The following SH3PXD2A variants were observed in gnomAD, a reference collection of about 807,000 sequenced individuals.
The protein encoded by SH3PXD2A is SH3 and PX domains 2A.
SH3PXD2A carries 32 observed loss-of-function variants against 115.2 expected under a neutral mutation model. That is an observed-to-expected ratio of 0.28 (90% CI 0.21 to 0.37). The LOEUF is 0.37. Ranked by LOEUF, SH3PXD2A falls within the 10% of genes least tolerant of loss-of-function variation. SH3PXD2A has a pLI of 1.00. For synonymous variants in SH3PXD2A, 610 were observed against 629.1 expected (o/e 0.97, Z 0.45); for missense variants, 1,328 against 1,498.7 (o/e 0.89, Z 1.88).
intron 1 of SH3PXD2A, among the ~76,000 whole-genome samples, chr10:103,830,580 C>T (rs1210819546): frequency 6.6e-6 from 1 of 152,166 alleles, no homozygotes; most frequent in Admixed American, 6.5e-5. Context: ...TGGAGGCAAG[C>T]AACTTCAGCG....
chr10:103,635,664 A>C (rs1233233876), intron 8 of SH3PXD2A, among the ~76,000 whole-genome samples: 1 of 152,170 alleles, frequency 6.6e-6, no homozygotes, highest in Non-Finnish European at 1.5e-5. Context: ...TCAGGGCTAA[A>C]CCCCTAGACC....
chr10:103,833,478 T>C (rs918925840), intron 1 of SH3PXD2A, among the ~76,000 whole-genome samples: 22 of 151,788 alleles, frequency 1.4e-4, no homozygotes, highest in African/African-American at 5.1e-4. Flanking sequence ...TATATATTTA[T>C]ATCTATATAT....
In SH3PXD2A at chr10:103,602,253, T is replaced by C. The variant is rs2036227827; in HGVS notation, c.2965A>G (p.Lys989Glu). 1 of 1,611,570 alleles carries C rather than the reference T, an allele frequency of 6.2e-7. No individual in the cohort carries two copies. Among genetic ancestry groups the C allele is most frequent in the Non-Finnish European group, 8.5e-7 (1 of 1,178,896 alleles). The change falls in exon 15 of 15, where the codon AAG (lysine) becomes GAG (glutamate). Residue 989 changes from lysine (K) to glutamate (E), a missense_variant. By Grantham distance (56) the Lys-to-Glu change is moderately conservative. Around this residue, in one of 5 missense-constraint regions of SH3PXD2A, gnomAD observed 574 missense variants for 565.7 expected, o/e 1.01. Coordinates refer to ENST00000369774, the MANE Select transcript of SH3PXD2A (RefSeq NM_001394015.1). The stretch of plus-strand genomic sequence containing the variant: ...AGGGCGCAGGACAGGTTGTTGTCCT[T>C]GGGTGGCGGGGACACAAACACCGAC... Reference protein sequence around the residue: ...PQSVFVSPPPKDNNLSCALRR... With the variant: ...PQSVFVSPPPEDNNLSCALRR...
intron 5 of SH3PXD2A, among the ~76,000 whole-genome samples, chr10:103,694,950 G>C (rs2037806904): frequency 6.6e-6 from 1 of 152,200 alleles, no homozygotes. Context: ...AGTCCTAGCT[G>C]TGCCCCCCAA....
In SH3PXD2A at chr10:103,701,515, C is replaced by T. The variant is rs137966322; in HGVS notation, c.399-8459G>A. ...ATCATCCATCCATTCATCCATCCAT[C>T]CATCATCCATCCATCCACCATCCAT... On this transcript the variant is annotated intron_variant, in intron 5 of 14. Transcript: ENST00000369774. 6.9e-3 allele frequency among the ~76,000 whole-genome samples: 1,035 copies of T among 150,352 alleles called. 26 individuals carry two copies. The East Asian group carries it at 0.069, about 10-fold the overall frequency.
Position 103,603,050 on chromosome 10 carries a change from G to A in SH3PXD2A, c.2168C>T (p.Ala723Val). Reference protein sequence around the residue: ...KTSGDLKPRSASDAGIRGTPK... With the variant: ...KTSGDLKPRSVSDAGIRGTPK... ...AGTGCCGCGGATGCCTGCGTCCGAA[G>A]CAGAGCGGGGCTTCAGGTCGCCACT... The change falls in exon 15 of 15, where the codon GCT becomes GTT. Residue 723 changes from alanine to valine, a missense_variant. Physicochemically the swap from Ala to Val is moderately conservative, Grantham distance 64 (BLOSUM62 0). Around this residue, in one of 5 missense-constraint regions of SH3PXD2A, gnomAD observed 574 missense variants for 565.7 expected, o/e 1.01. Transcript: ENST00000369774. 6.2e-7 allele frequency: 1 copy of A among 1,613,920 alleles called. No homozygotes were observed. Among genetic ancestry groups the A allele is most frequent in the Non-Finnish European group, 8.5e-7 (1 of 1,180,048 alleles).
chr10:103,801,193 T>C (rs2039143393), intron 2 of SH3PXD2A, 89 bp downstream of exon 2: 1 of 785,912 alleles, frequency 1.3e-6, no homozygotes, highest in Non-Finnish European at 2.2e-6. Context: ...CTGACAGCTC[T>C]CTTGGGGGCT....
At chr10:103,744,909 A>G (rs1399136391) in intron 3 of SH3PXD2A, among the ~76,000 whole-genome samples, 1 of 152,126 alleles carries the variant, frequency 6.6e-6, no homozygotes, top group Non-Finnish European at 1.5e-5. Flanking sequence ...GCTTTTAATT[A>G]TTACAGTGCC....
Position 103,709,580 on chromosome 10 carries a change from A to C in SH3PXD2A, c.398+14690T>G, listed in dbSNP as rs115604835. ...CTCTGGCACAGCCCCTTCGGCAACA[A>C]CAATAGTAACAACTGGTACCATTCA... On this transcript the variant is annotated intron_variant, in intron 5 of 14. Transcript: ENST00000369774. Among the ~76,000 whole-genome samples the C allele has an allele frequency of 5.0e-3, 755 of 152,316 alleles. 3 individuals are homozygous for C. Among genetic ancestry groups the C allele is most frequent in the African/African-American group, 0.017 (716 of 41,564 alleles).
rs192426667 is a variant in SH3PXD2A, at chr10:103,822,359, T to C, written c.73-20997A>G. Among the ~76,000 whole-genome samples the C allele has an allele frequency of 1.7e-3, 259 of 152,388 alleles. 3 individuals are homozygous for C. The highest frequency in any genetic ancestry group is 5.9e-3 in the African/African-American group (245 of 41,592). ...CTAAGCAAAGACAGGGTGCTTCCTA[T>C]GCAGATGTAACCCCTAGCTGTCCAA... On this transcript the variant is annotated intron_variant, in intron 1 of 14. Coordinates refer to ENST00000369774, the MANE Select transcript of SH3PXD2A (RefSeq NM_001394015.1).
At chr10:103,822,731 C>T (rs2039394050) in intron 1 of SH3PXD2A, among the ~76,000 whole-genome samples, 1 of 152,168 alleles carries the variant, frequency 6.6e-6, no homozygotes, top group Non-Finnish European at 1.5e-5. Context: ...CTCCAAGGAA[C>T]AATCCTCTAA....
At chr10:103,606,007 G>T (rs1592257618) in intron 13 of SH3PXD2A, 90 bp from the exon 14 acceptor site, 3 of 1,419,478 alleles carry the variant, frequency 2.1e-6, no homozygotes, top group South Asian at 2.6e-5. Flanking sequence ...TCCCCAGGGG[G>T]TGCGGATGGC....
chr10:103,617,628 G>C (rs1034418577), intron 10 of SH3PXD2A, among the ~76,000 whole-genome samples: 22 of 152,236 alleles, frequency 1.4e-4, no homozygotes, highest in African/African-American at 5.3e-4. Flanking sequence ...CGGGACCTTG[G>C]AGTCCACAGG....
chr10:103,680,225 C>G (rs1349726798), intron 6 of SH3PXD2A, among the ~76,000 whole-genome samples: 2 of 151,998 alleles, frequency 1.3e-5, no homozygotes, highest in Non-Finnish European at 2.9e-5. Context: ...GTAATCCGCC[C>G]AACTCGGCCT....
Position 103,613,047 on chromosome 10 carries a change from G to C in SH3PXD2A, c.1064C>G (p.Ala355Gly), listed in dbSNP as rs150202723. ...TGGTGGAGTTTCCTTGTCCCCAGAC[G>C]CCTTCTTGTTCAGCAGGTTGCTGAT... ...MEISNLLNKK[A>G]SGDKETPPAE... The change falls in exon 12 of 15, where the codon GCG becomes GGG. Residue 355 changes from alanine (A) to glycine (G), a missense_variant. Ala to Gly is a moderately conservative substitution (Grantham distance 60). Transcript: ENST00000369774. 6 of 1,614,096 alleles carry C rather than the reference G, an allele frequency of 3.7e-6. No individual in the cohort carries two copies. Among genetic ancestry groups the C allele is most frequent in the South Asian group, 2.2e-5 (2 of 91,086 alleles).
chr10:103,750,408 T>G (rs571064485), intron 3 of SH3PXD2A, among the ~76,000 whole-genome samples: 3 of 152,188 alleles, frequency 2.0e-5, no homozygotes, highest in Non-Finnish European at 4.4e-5. Context: ...CCCAGGTAAC[T>G]ACTACAAGGC....
intron 5 of SH3PXD2A, among the ~76,000 whole-genome samples, chr10:103,718,480 A>T (rs2038134145): frequency 7.1e-6 from 1 of 141,094 alleles, no homozygotes; most frequent in Admixed American, 7.5e-5. Flanking sequence ...CTGCAGGGCA[A>T]AGGGCTGGGG....
rs145564848 is a variant in SH3PXD2A, at chr10:103,779,968, C to T, written c.154-12799G>A. Among the ~76,000 whole-genome samples the T allele has an allele frequency of 2.0e-4, 30 of 152,320 alleles. 1 individual carries two copies. The highest frequency in any genetic ancestry group is 6.2e-4 in the South Asian group (3 of 4,830). ...AAGGGGGAAGGGGAAGGAAGGCAAACGGCTTTAACCTTTTCCCGGCTGAAC... is the reference window on the plus strand; with the variant it reads ...AAGGGGGAAGGGGAAGGAAGGCAAATGGCTTTAACCTTTTCCCGGCTGAAC... On this transcript the variant is annotated intron_variant, in intron 2 of 14. Coordinates refer to ENST00000369774, the MANE Select transcript of SH3PXD2A (RefSeq NM_001394015.1).
intron 6 of SH3PXD2A, among the ~76,000 whole-genome samples, chr10:103,669,887 T>C (rs1443345656): frequency 1.3e-5 from 2 of 152,266 alleles, no homozygotes; most frequent in African/African-American, 4.8e-5. Flanking sequence ...AGCATCCTGC[T>C]GAGCACTTTG....
Sources: allele counts gnomAD v4.1 joint callset (sites outside exome capture counted in the v4.1 genomes callset), GRCh38; gene constraint gnomAD v4.1.1; regional missense constraint gnomAD v4.1.1; transcripts MANE v1.5; gene names NCBI Gene and HGNC (gene_info 2026-07-23, HGNC 2026-07-21).